Variants in CSPP1 observed in about 807,000 individuals in gnomAD.
The protein encoded by CSPP1 is centrosome and spindle pole-associated protein 1.
In CSPP1, 126 loss-of-function variants were observed where a neutral mutation model predicts 164.4. The observed-to-expected ratio is 0.77, with a 90% CI of 0.66 to 0.89. The LOEUF is 0.89. Ranked by LOEUF, CSPP1 falls within the 40% of genes least tolerant of loss-of-function variation. CSPP1 has a pLI of 0.00. For missense variants in CSPP1, 1,395 were observed against 1,449.8 expected, an observed-to-expected ratio of 0.96 and a Z score of 0.61; for synonymous variants, 472 against 476.7, an observed-to-expected ratio of 0.99 and a Z score of 0.13.
At chr8:67,089,659 G>GT (rs1264934826) in intron 4 of CSPP1, among the ~76,000 whole-genome samples, 3 of 151,796 alleles carry the variant, frequency 2.0e-5, no homozygotes, top group East Asian at 1.9e-4. Context: ...ATCTTTATCT[G>GT]TTTTTTTCAG....
chr8:67,160,332 G>A (rs935355720), intron 21 of CSPP1, among the ~76,000 whole-genome samples: 1 of 151,866 alleles, frequency 6.6e-6, no homozygotes, highest in Admixed American at 6.6e-5. Flanking sequence ...GGGCGTGGTG[G>A]CAGGCACCTG....
chr8:67,195,590 T>A lies in CSPP1; in HGVS notation c.3678T>A (p.Gly1226=). Residue 1226 remains glycine (G), a synonymous_variant, in exon 31 of 31, where the codon GGT becomes GGA. Transcript: ENST00000678616. ...GGCAGGGCCTGTCGACTGCACATGG[T>A]TAAAATAAACCTGTACTGGACCCAG... The part of the protein sequence containing the change: ...FTWQGLSTAH[G] 6.2e-7 allele frequency: 1 copy of A among 1,613,872 alleles called. No individual in the cohort carries two copies. The highest frequency in any genetic ancestry group is 2.2e-5 in the East Asian group (1 of 44,880).
At chr8:67,119,174 A>G (rs1160172510) in intron 15 of CSPP1, among the ~76,000 whole-genome samples, 1 of 152,168 alleles carries the variant, frequency 6.6e-6, no homozygotes, top group African/African-American at 2.4e-5. Flanking sequence ...AATGTCCTCA[A>G]GGTTCATCCG....
At chr8:67,138,477 AT>A (rs1017053065) in intron 17 of CSPP1, among the ~76,000 whole-genome samples, 4 of 151,428 alleles carry the variant, frequency 2.6e-5, no homozygotes, top group South Asian at 4.2e-4. Flanking sequence ...GCAAGCATCC[AT>A]TTTTTTTTGT....
At chr8:67,137,412 A>C in intron 16 of CSPP1, 44 bp from the exon 17 acceptor site, 1 of 1,313,444 alleles carries the variant, frequency 7.6e-7, no homozygotes, top group Non-Finnish European at 1.0e-6. Context: ...CTTGTATCAG[A>C]ATACTTGTCA....
At chr8:67,088,714 T>G (rs1407241496) in intron 4 of CSPP1, among the ~76,000 whole-genome samples, 2 of 150,528 alleles carry the variant, frequency 1.3e-5, no homozygotes, top group Non-Finnish European at 3.0e-5. Context: ...GGCTAACACG[T>G]TGAAACCCCG....
intron 7 of CSPP1, among the ~76,000 whole-genome samples, chr8:67,099,796 G>A (rs1481412241): frequency 6.6e-6 from 1 of 152,024 alleles, no homozygotes; most frequent in Admixed American, 6.6e-5. Flanking sequence ...AGTAAATGAA[G>A]GAAATGCCAT....
Position 67,095,352 on chromosome 8 carries a change from A to C in CSPP1, c.543A>C (p.Gln181His), listed in dbSNP as rs1333496323. 6.2e-7 allele frequency: 1 copy of C among 1,606,106 alleles called. No homozygotes were observed. Residue 181 changes from glutamine to histidine, a missense_variant, in exon 7 of 31, where the codon CAA becomes CAC. Gln to His is a conservative substitution (Grantham distance 24). Transcript: ENST00000678616. ...AAGTTAAGCCTGATCTAACTTCACAAATACAGACATCTTGTGAAAATTCAG... is the reference window on the plus strand; with the variant it reads ...AAGTTAAGCCTGATCTAACTTCACACATACAGACATCTTGTGAAAATTCAG... ...IGQVKPDLTSQIQTSCENSEG... is the reference protein window; with the variant it reads ...IGQVKPDLTSHIQTSCENSEG...
chr8:67,148,038 C>T (rs35400361), intron 17 of CSPP1, among the ~76,000 whole-genome samples: 1 of 151,726 alleles, frequency 6.6e-6, no homozygotes. Context: ...CCCACCTCAG[C>T]CCCCCAAGTA....
intron 1 of CSPP1, among the ~76,000 whole-genome samples, chr8:67,066,534 TG>T (rs372020751): frequency 2.0e-3 from 298 of 152,184 alleles, no homozygotes; most frequent in African/African-American, 6.8e-3. Context: ...ACAGCCTTAA[TG>T]ATTATTTTAA....
At chr8:67,146,076 T>C in intron 17 of CSPP1, among the ~76,000 whole-genome samples, 1 of 152,022 alleles carries the variant, frequency 6.6e-6, no homozygotes, top group Non-Finnish European at 1.5e-5. Context: ...AGCTTTCTTT[T>C]ATTCAATTCT....
intron 7 of CSPP1, among the ~76,000 whole-genome samples, chr8:67,096,577 A>G (rs1000007786): frequency 6.6e-6 from 1 of 150,830 alleles, no homozygotes; most frequent in Non-Finnish European, 1.5e-5. Flanking sequence ...AAAAAAAAAA[A>G]AGTGTGGCTG....
At chr8:67,165,716 C>A (rs533925557) in intron 24 of CSPP1, among the ~76,000 whole-genome samples, 2 of 152,202 alleles carry the variant, frequency 1.3e-5, no homozygotes, top group South Asian at 4.1e-4. Flanking sequence ...ATCACATCAT[C>A]ACATTGTATC....
intron 24 of CSPP1, among the ~76,000 whole-genome samples, chr8:67,169,835 G>A (rs565166929): frequency 3.3e-5 from 5 of 152,132 alleles, no homozygotes; most frequent in East Asian, 3.9e-4. Flanking sequence ...AGCAACCTCC[G>A]CCTCCTGATT....
chr8:67,185,482 A>G (rs1394150738), intron 28 of CSPP1, among the ~76,000 whole-genome samples: 1 of 152,244 alleles, frequency 6.6e-6, no homozygotes, highest in Non-Finnish European at 1.5e-5. Flanking sequence ...TAACACTGGC[A>G]ACTTTGAAAA....
intron 24 of CSPP1, among the ~76,000 whole-genome samples, chr8:67,168,563 CTT>C (rs1421411791): frequency 3.3e-5 from 5 of 152,018 alleles, no homozygotes; most frequent in African/African-American, 9.7e-5. Context: ...ATTTGTGACT[CTT>C]AAGTTCTAAC....
chr8:67,071,573 T>TC, intron 1 of CSPP1, among the ~76,000 whole-genome samples: 1 of 152,334 alleles, frequency 6.6e-6, no homozygotes, highest in African/African-American at 2.4e-5. Flanking sequence ...CTACTGTAAA[T>TC]TTCCAGTAGC....
intron 30 of CSPP1, among the ~76,000 whole-genome samples, chr8:67,195,046 C>G (rs868049363): frequency 6.6e-6 from 1 of 152,122 alleles, no homozygotes; most frequent in African/African-American, 2.4e-5. Flanking sequence ...GTAACAGTTA[C>G]AAAATAAGAC....
chr8:67,195,204 C>G (rs1413066658), intron 30 of CSPP1, among the ~76,000 whole-genome samples, 178 bp from the exon 31 acceptor site: 1 of 152,180 alleles, frequency 6.6e-6, no homozygotes, highest in Non-Finnish European at 1.5e-5. Context: ...CCACTCTCCT[C>G]CCTCTAAAAT....
Sources: gnomAD v4.1 joint callset for allele counts (sites outside exome capture counted in the v4.1 genomes callset) on GRCh38, gnomAD v4.1.1 for gene constraint, MANE v1.5 for transcripts, NCBI Gene and HGNC (gene_info 2026-07-23, HGNC 2026-07-21) for gene names.